PKP4: variants seen among roughly 807,000 people sequenced by gnomAD.
The protein encoded by PKP4 is plakophilin 4.
Under a neutral mutation model 145.1 loss-of-function variants are expected in PKP4, and 90 were observed. The observed-to-expected ratio is 0.62, with a 90% CI of 0.52 to 0.74. The LOEUF (loss-of-function observed/expected upper bound fraction) is 0.74, where lower values mean the gene tolerates loss of function less well. Among genes scored for constraint, PKP4 ranks in the 30% least tolerant of loss-of-function variants. The pLI is 0.00. For missense variants in PKP4, 1,340 were observed against 1,482.7 expected (o/e 0.90, Z 1.58); for synonymous variants, 563 against 577.2 (o/e 0.98, Z 0.35).
At chr2:158,613,475 T>C (rs1317708855) in intron 4 of PKP4, among the ~76,000 whole-genome samples, 2 of 152,208 alleles carry the variant, frequency 1.3e-5, no homozygotes, top group African/African-American at 4.8e-5. Context: ...CAACCCTAGC[T>C]GCACAGTAGA....
At chr2:158,488,460 G>T (rs1694490960) in intron 1 of PKP4, among the ~76,000 whole-genome samples, 1 of 152,012 alleles carries the variant, frequency 6.6e-6, no homozygotes, top group Non-Finnish European at 1.5e-5. Flanking sequence ...TGTTTATTAT[G>T]CCCCTTGTAT....
chr2:158,494,638 A>T (rs1695416382), intron 1 of PKP4, among the ~76,000 whole-genome samples: 1 of 152,244 alleles, frequency 6.6e-6, no homozygotes, highest in Admixed American at 6.5e-5. Flanking sequence ...TTTTCAAAGT[A>T]CTAAATATCC....
chr2:158,666,472 G>C lies in PKP4; in HGVS notation c.2637G>C (p.Glu879Asp). ...AAAAGGGGCTCCCCATCCTTGTGGA[G>C]CTTCTGAGAATGGATAACGATAGAG... Reference protein sequence around the residue: ...RKEKGLPILVELLRMDNDRVV... With the variant: ...RKEKGLPILVDLLRMDNDRVV... The change falls in exon 16 of 22, where the codon GAG becomes GAC. Residue 879 changes from glutamate (E) to aspartate (D), a missense_variant. Glu to Asp is a conservative substitution (Grantham distance 45). Transcript: ENST00000389759. The C allele has an allele frequency of 6.2e-7, 1 of 1,613,304 alleles. No homozygotes were observed. The highest frequency in any genetic ancestry group is 8.5e-7 in the Non-Finnish European group (1 of 1,179,650).
At chr2:158,547,596 G>A (rs199554260) in intron 2 of PKP4, among the ~76,000 whole-genome samples, 12 of 152,306 alleles carry the variant, frequency 7.9e-5, no homozygotes, top group African/African-American at 2.6e-4. Context: ...GCTGTGGCTC[G>A]TTGTTGTGTA....
intron 3 of PKP4, among the ~76,000 whole-genome samples, chr2:158,585,428 C>T (rs561494323): frequency 3.3e-5 from 5 of 152,120 alleles, no homozygotes; most frequent in Non-Finnish European, 5.9e-5. Context: ...TTATTTTTTA[C>T]ACTTGATCGA....
At chr2:158,609,897 C>T (rs748559119) in intron 4 of PKP4, among the ~76,000 whole-genome samples, 13 of 152,114 alleles carry the variant, frequency 8.5e-5, no homozygotes, top group Non-Finnish European at 1.9e-4. Flanking sequence ...ACAAAAAGCC[C>T]AAGTTTCTGA....
chr2:158,481,605 A>G (rs893543459), intron 1 of PKP4, among the ~76,000 whole-genome samples: 21 of 152,290 alleles, frequency 1.4e-4, no homozygotes, highest in African/African-American at 4.6e-4. Context: ...GTGATACCTC[A>G]TAGTAGTTTT....
rs377669494 is a variant in PKP4, at chr2:158,675,680, G to A, written c.3128-1059G>A. On this transcript the variant is annotated intron_variant, in intron 19 of 21. Transcript: ENST00000389759. ...CTTGCTGATGTCATTGGAGGCAGGC[G>A]GGTATGCTTTCTGTCCTACTACTTT... Among the ~76,000 whole-genome samples the A allele has an allele frequency of 7.9e-5, 12 of 152,296 alleles. No homozygotes were observed. In the South Asian group the frequency reaches 1.5e-3, roughly 18 times the overall value.
intron 21 of PKP4, among the ~76,000 whole-genome samples, chr2:158,679,797 G>C (rs571345040): frequency 6.6e-6 from 1 of 152,182 alleles, no homozygotes; most frequent in Non-Finnish European, 1.5e-5. Flanking sequence ...ATTTGCTCAC[G>C]TGTGTCTCCT....
In PKP4 at chr2:158,492,856, G is replaced by C. The variant is rs1019540872; in HGVS notation, c.-6+35638G>C. Among the ~76,000 whole-genome samples the C allele has an allele frequency of 5.3e-5, 8 of 152,118 alleles. 1 individual carries two copies. Among genetic ancestry groups the C allele is most frequent in the African/African-American group, 1.9e-4 (8 of 41,420 alleles). ...GGACTACCCATAATTTCATCATTTA[G>C]AACAGCTTTTTGGTTTTGTTTCTTT... On this transcript the variant is annotated intron_variant, in intron 1 of 21. Coordinates refer to ENST00000389759, the MANE Select transcript of PKP4 (RefSeq NM_003628.6).
chr2:158,673,523 C>G (rs1558995485), intron 17 of PKP4, among the ~76,000 whole-genome samples, 154 bp from the exon 18 acceptor site: 1 of 152,204 alleles, frequency 6.6e-6, no homozygotes, highest in Non-Finnish European at 1.5e-5. Context: ...CTCCCAGGCA[C>G]ACCTGGTCCC....
chr2:158,639,537 T>C (rs771492635), intron 9 of PKP4, among the ~76,000 whole-genome samples: 1 of 152,248 alleles, frequency 6.6e-6, no homozygotes, highest in Admixed American at 6.5e-5. Context: ...AATTCTTTTT[T>C]TTAATAAACA....
intron 3 of PKP4, among the ~76,000 whole-genome samples, chr2:158,596,329 A>G (rs2049738751): frequency 6.6e-6 from 1 of 152,166 alleles, no homozygotes. Context: ...GCGTTTTTAA[A>G]CTCTAATTCA....
intron 4 of PKP4, among the ~76,000 whole-genome samples, chr2:158,605,498 C>T (rs773300903): frequency 2.0e-5 from 3 of 152,060 alleles, no homozygotes; most frequent in Non-Finnish European, 4.4e-5. Flanking sequence ...CCTAACAGGA[C>T]GTTAGTACAG....
intron 2 of PKP4, among the ~76,000 whole-genome samples, chr2:158,550,162 TGTGG>T (rs2045490849): frequency 9.9e-6 from 1 of 100,890 alleles, no homozygotes; most frequent in Non-Finnish European, 2.8e-5. Flanking sequence ...AATCTATTAA[TGTGG>T]AAAAATGTTG....
intron 7 of PKP4, among the ~76,000 whole-genome samples, chr2:158,629,834 C>T (rs2883873): frequency 0.45 from 67,680 of 151,850 alleles, 16,361 homozygotes; most frequent in South Asian, 0.66. Flanking sequence ...CTCAGCCTCC[C>T]AGGTTCAAGC....
chr2:158,484,065 CG>C, intron 1 of PKP4, among the ~76,000 whole-genome samples: 1 of 141,358 alleles, frequency 7.1e-6, no homozygotes, highest in Non-Finnish European at 1.5e-5. Context: ...GACGGAGTCT[CG>C]CTCTGTCGCC....
chr2:158,524,359 A>G (rs375512523), intron 1 of PKP4, among the ~76,000 whole-genome samples: 1 of 76,908 alleles, frequency 1.3e-5, no homozygotes, highest in Non-Finnish European at 2.5e-5. Flanking sequence ...TTTTCAACCC[A>G]GAATTTCATA....
intron 4 of PKP4, 39 bp from the exon 5 acceptor site, chr2:158,620,951 T>C (rs2052167974): frequency 1.9e-6 from 3 of 1,578,872 alleles, no homozygotes; most frequent in South Asian, 1.1e-5. Context: ...TTTTATGTAA[T>C]GTTATTATAT....
Sources: gnomAD v4.1 joint callset for allele counts (sites outside exome capture counted in the v4.1 genomes callset) on GRCh38, gnomAD v4.1.1 for gene constraint, MANE v1.5 for transcripts, NCBI Gene and HGNC (gene_info 2026-07-23, HGNC 2026-07-21) for gene names.